Variants in NAALADL2 observed in about 807,000 individuals in gnomAD.
The protein encoded by NAALADL2 is N-acetylated alpha-linked acidic dipeptidase like 2.
A neutral mutation model predicts 87.2 loss-of-function variants in NAALADL2; 76 were observed. The ratio of observed to expected loss-of-function variants is 0.87; its 90% CI spans 0.72 to 1.05. NAALADL2 has a LOEUF of 1.05. Among genes scored for constraint, NAALADL2 ranks in the 50% least tolerant of loss-of-function variants. The pLI, the probability that NAALADL2 is intolerant of heterozygous loss-of-function variation, is 0.00. For synonymous variants in NAALADL2, 354 were observed against 331.0 expected, an observed-to-expected ratio of 1.07 and a Z score of -0.75; for missense variants, 1,089 against 945.8, an observed-to-expected ratio of 1.15 and a Z score of -1.99.
At chr3:174,899,305 C>T (rs1018439295) in intron 1 of NAALADL2, among the ~76,000 whole-genome samples, 1 of 152,008 alleles carries the variant, frequency 6.6e-6, no homozygotes, top group Non-Finnish European at 1.5e-5. Context: ...TAATTATTTG[C>T]ATATGATACA....
At chr3:174,929,563 T>A (rs1177797692) in intron 1 of NAALADL2, among the ~76,000 whole-genome samples, 1 of 152,132 alleles carries the variant, frequency 6.6e-6, no homozygotes, top group Non-Finnish European at 1.5e-5. Context: ...ACTATAATTA[T>A]ATGCTATGAT....
intron 13 of NAALADL2, among the ~76,000 whole-genome samples, chr3:175,759,450 G>A (rs1036552170): frequency 2.0e-5 from 3 of 151,184 alleles, no homozygotes; most frequent in Non-Finnish European, 2.9e-5. Context: ...CTCCACCTCC[G>A]GGGTTCAAGC....
chr3:174,933,456 A>G (rs1280049577), intron 1 of NAALADL2, among the ~76,000 whole-genome samples: 1 of 152,186 alleles, frequency 6.6e-6, no homozygotes, highest in Non-Finnish European at 1.5e-5. Context: ...ATCAGTTTTT[A>G]AAGGATGAAT....
At chr3:175,577,199 A>G (rs748734204) in intron 10 of NAALADL2, among the ~76,000 whole-genome samples, 4 of 152,204 alleles carry the variant, frequency 2.6e-5, no homozygotes, top group Non-Finnish European at 4.4e-5. Context: ...CAAATTATTT[A>G]ACATCTTTCA....
At chr3:175,280,919 T>A (rs1230084689) in intron 4 of NAALADL2, among the ~76,000 whole-genome samples, 1 of 151,940 alleles carries the variant, frequency 6.6e-6, no homozygotes, top group African/African-American at 2.4e-5. Flanking sequence ...TTAATCTGTT[T>A]TCTTTACATT....
intron 1 of NAALADL2, among the ~76,000 whole-genome samples, chr3:174,547,056 A>T (rs528654483): frequency 1.3e-5 from 2 of 152,280 alleles, no homozygotes; most frequent in South Asian, 4.1e-4. Context: ...GTAAGGCATT[A>T]TATTATTCAT....
chr3:175,585,559 A>G (rs1259075866), intron 10 of NAALADL2, among the ~76,000 whole-genome samples: 2 of 152,186 alleles, frequency 1.3e-5, no homozygotes, highest in Admixed American at 6.5e-5. Flanking sequence ...ACTAATGTTA[A>G]TGTTTCCTTG....
intron 2 of NAALADL2, among the ~76,000 whole-genome samples, chr3:174,687,075 CTACAATGCCTG>C (rs1728115655): frequency 1.3e-5 from 2 of 152,144 alleles, no homozygotes; most frequent in East Asian, 3.9e-4. Flanking sequence ...TCACACTGTC[CTACAATGCCTG>C]TACAATGGAA....
At chr3:175,372,108 C>A (rs1027153762) in intron 5 of NAALADL2, among the ~76,000 whole-genome samples, 8 of 152,048 alleles carry the variant, frequency 5.3e-5, no homozygotes, top group Non-Finnish European at 1.2e-4. Context: ...ATTTTTTTTC[C>A]ACTGCTTCCT....
At chr3:175,759,184 C>T (rs1188074634) in intron 13 of NAALADL2, among the ~76,000 whole-genome samples, 2 of 152,014 alleles carry the variant, frequency 1.3e-5, no homozygotes, top group African/African-American at 4.8e-5. Context: ...AATATAAGAT[C>T]CCTACCTTCA....
intron 4 of NAALADL2, among the ~76,000 whole-genome samples, chr3:175,269,376 C>A (rs2109991367): frequency 1.3e-5 from 2 of 152,236 alleles, no homozygotes; most frequent in Admixed American, 1.3e-4. Flanking sequence ...TACTTTTATA[C>A]AATTGGCAGG....
chr3:175,413,974 G>A (rs1581784782), intron 5 of NAALADL2, among the ~76,000 whole-genome samples: 1 of 152,104 alleles, frequency 6.6e-6, no homozygotes, highest in Admixed American at 6.5e-5. Context: ...GGGAACCACC[G>A]TCTTCTACCC....
intron 4 of NAALADL2, among the ~76,000 whole-genome samples, chr3:175,318,108 T>G (rs1481062597): frequency 6.6e-6 from 1 of 152,126 alleles, no homozygotes; most frequent in Non-Finnish European, 1.5e-5. Flanking sequence ...TTAAATAACA[T>G]GTATGCCTCT....
At chr3:175,053,487 G>T (rs1755681512) in intron 1 of NAALADL2, among the ~76,000 whole-genome samples, 1 of 152,138 alleles carries the variant, frequency 6.6e-6, no homozygotes, top group Admixed American at 6.5e-5. Context: ...GCAACCAGGG[G>T]GTCCTCGAGA....
intron 1 of NAALADL2, among the ~76,000 whole-genome samples, chr3:174,546,767 C>T (rs1722780038): frequency 1.3e-5 from 2 of 152,170 alleles, no homozygotes; most frequent in South Asian, 2.1e-4. Flanking sequence ...AAGCAATCCT[C>T]CCGCCTCAGC....
chr3:175,478,591 C>A (rs560944431), intron 9 of NAALADL2, among the ~76,000 whole-genome samples: 4 of 151,898 alleles, frequency 2.6e-5, no homozygotes, highest in African/African-American at 9.7e-5. Flanking sequence ...GAAATCCAAA[C>A]AATTTGAAAC....
chr3:174,706,804 A>C (rs986685138), intron 2 of NAALADL2, among the ~76,000 whole-genome samples: 1 of 152,086 alleles, frequency 6.6e-6, no homozygotes, highest in Admixed American at 6.6e-5. Flanking sequence ...ATCTTGAATT[A>C]ATTTTTGTAT....
chr3:174,979,841 A>G (rs183463260), intron 1 of NAALADL2, among the ~76,000 whole-genome samples: 48 of 152,304 alleles, frequency 3.2e-4, no homozygotes, highest in African/African-American at 1.2e-3. Context: ...ATAAATCTTA[A>G]GCAATGTTCT....
intron 2 of NAALADL2, among the ~76,000 whole-genome samples, chr3:175,128,861 T>C (rs991994624): frequency 1.3e-5 from 2 of 152,080 alleles, no homozygotes; most frequent in African/African-American, 4.8e-5. Flanking sequence ...TCACAAAAAA[T>C]GTATATATTC....
Sources: allele counts gnomAD v4.1 joint callset (sites outside exome capture counted in the v4.1 genomes callset), GRCh38; gene constraint gnomAD v4.1.1; transcripts MANE v1.5; gene names NCBI Gene and HGNC (gene_info 2026-07-23, HGNC 2026-07-21).